The following SYT2 variants were observed in gnomAD, a reference collection of about 807,000 sequenced individuals.
SYT2 encodes synaptotagmin 2.
A neutral mutation model predicts 39.9 loss-of-function variants in SYT2; 15 were observed. That is an observed-to-expected ratio of 0.38 (90% CI 0.25 to 0.58). The LOEUF is 0.58. Among genes scored for constraint, SYT2 ranks in the 20% least tolerant of loss-of-function variants. The probability of loss-of-function intolerance (pLI) is 0.70; values close to 1 mark genes in which losing one functional copy is unlikely to be tolerated. For missense variants in SYT2, 389 were observed against 530.3 expected (o/e 0.73, Z 2.62); for synonymous variants, 181 against 204.5 (o/e 0.89, Z 0.98).
chr1:202,709,243 G>A (rs751318958), intron 1 of SYT2, among the ~76,000 whole-genome samples: 3 of 152,118 alleles, frequency 2.0e-5, no homozygotes, highest in African/African-American at 2.4e-5. Flanking sequence ...CTCCTGCTGC[G>A]GGGAGAGCAC....
At chr1:202,691,983 C>T (rs1021474557) in intron 1 of SYT2, among the ~76,000 whole-genome samples, 1 of 151,996 alleles carries the variant, frequency 6.6e-6, no homozygotes, top group African/African-American at 2.4e-5. Flanking sequence ...ATCAAAGCAC[C>T]CCCAGCCCTC....
At chr1:202,697,427 T>C (rs1654001416) in intron 1 of SYT2, among the ~76,000 whole-genome samples, 1 of 152,282 alleles carries the variant, frequency 6.6e-6, no homozygotes, top group Non-Finnish European at 1.5e-5. Context: ...GAGCCATGTG[T>C]GTGGCCTGTT....
At chr1:202,702,822 G>T (rs1654154094) in intron 1 of SYT2, among the ~76,000 whole-genome samples, 1 of 152,168 alleles carries the variant, frequency 6.6e-6, no homozygotes, top group South Asian at 2.1e-4. Context: ...TTGTTAAATG[G>T]GCTTTTCTCC....
chr1:202,698,504 A>C (rs1654031714), intron 1 of SYT2, among the ~76,000 whole-genome samples: 1 of 152,210 alleles, frequency 6.6e-6, no homozygotes, highest in South Asian at 2.1e-4. Context: ...AGAGCCACAA[A>C]AGCCACAGAA....
In SYT2 at chr1:202,593,859, C is replaced by T. The variant is rs1288664165; in HGVS notation, c.*2898G>A. The T allele has an allele frequency of 6.6e-6, 1 of 152,210 alleles. No individual in the cohort carries two copies. The highest frequency in any genetic ancestry group is 1.5e-5 in the Non-Finnish European group (1 of 68,104). 9.4% of individuals were successfully genotyped at this position (152,210 alleles called of 1,614,324 possible). A position where few individuals can be genotyped will look rare whatever the true frequency, so the allele number is the denominator to read the frequency against. The stretch of plus-strand genomic sequence containing the variant: ...TCTGGAACAGACTTTGAGATGAAAA[C>T]TCACAGCCCCAGAGGCGTCCAGAAC... On this transcript the variant is annotated 3_prime_UTR_variant, in exon 9 of 9. Transcript: ENST00000367268.
chr1:202,646,761 G>A (rs1389579424), intron 1 of SYT2, among the ~76,000 whole-genome samples: 1 of 152,178 alleles, frequency 6.6e-6, no homozygotes, highest in Non-Finnish European at 1.5e-5. Context: ...GAGGGCTGAA[G>A]GAATAAGGGA....
chr1:202,657,714 G>A (rs192442693), intron 1 of SYT2, among the ~76,000 whole-genome samples: 3 of 151,992 alleles, frequency 2.0e-5, no homozygotes, highest in Non-Finnish European at 4.4e-5. Context: ...AGTGCAGTCA[G>A]CATAGACAAC....
intron 1 of SYT2, among the ~76,000 whole-genome samples, chr1:202,694,692 C>T (rs775609515): frequency 6.6e-6 from 1 of 152,060 alleles, no homozygotes; most frequent in Non-Finnish European, 1.5e-5. Flanking sequence ...ACCACCTCCT[C>T]GTCCTTTCCC....
At chr1:202,681,219 G>C (rs1402821848) in intron 1 of SYT2, among the ~76,000 whole-genome samples, 1 of 151,968 alleles carries the variant, frequency 6.6e-6, no homozygotes, top group Non-Finnish European at 1.5e-5. Flanking sequence ...CACCCTCCTA[G>C]GAGCCGCCCC....
rs2149061805 is a variant in SYT2, at chr1:202,595,042, G to A, written c.*1715C>T. The A allele has an allele frequency of 6.6e-6, 1 of 152,438 alleles. No homozygotes were observed. The highest frequency in any genetic ancestry group is 1.9e-4 in the East Asian group (1 of 5,172). The allele number at this position is 152,438 out of a possible 1,614,324, so 9.4% of individuals were successfully genotyped here. On this transcript the variant is annotated 3_prime_UTR_variant, in exon 9 of 9. Coordinates refer to ENST00000367268, the MANE Select transcript of SYT2 (RefSeq NM_177402.5). ...ATGCTGCCATTTGTGCTGGGAAAGA[G>A]AGATACTCAGGCTTCTGGAGAAGCC...
At chr1:202,643,118 C>T (rs1019479020) in intron 1 of SYT2, among the ~76,000 whole-genome samples, 11 of 152,244 alleles carry the variant, frequency 7.2e-5, no homozygotes, top group African/African-American at 2.4e-4. Flanking sequence ...GTTTACCCCG[C>T]AGTGAGCACC....
At chr1:202,657,244 CACCCACACAAG>C (rs1692293132) in intron 1 of SYT2, among the ~76,000 whole-genome samples, 1 of 152,238 alleles carries the variant, frequency 6.6e-6, no homozygotes, top group African/African-American at 2.4e-5. Flanking sequence ...AGTCCAAGCA[CACCCACACAAG>C]AGCCACGTTC....
chr1:202,600,609 G>T, intron 6 of SYT2, 135 bp from the exon 7 acceptor site: 1 of 724,926 alleles, frequency 1.4e-6, no homozygotes, highest in Non-Finnish European at 2.4e-6. Flanking sequence ...CCATATATGT[G>T]ATGGCCGAGA....
chr1:202,597,283 T>G (rs1690333289), intron 8 of SYT2, among the ~76,000 whole-genome samples: 1 of 152,170 alleles, frequency 6.6e-6, no homozygotes, highest in Non-Finnish European at 1.5e-5. Context: ...GACATGTAAC[T>G]GAAAACTTAC....
chr1:202,627,651 T>C lies in SYT2; in HGVS notation c.-17-21862A>G, dbSNP rs556231327. On this transcript the variant is annotated intron_variant, in intron 1 of 8. Transcript: ENST00000367268. ...AGGAAGGGCATGAAGACCACTTCCC[T>C]GGTTAATGAGGGTTTGACCAGGAGT... 36 of 985,186 alleles carry C rather than the reference T, an allele frequency of 3.7e-5. No individual in the cohort carries two copies. The South Asian group carries it at 7.5e-4, about 21-fold the overall frequency. 61.0% of individuals were successfully genotyped at this position (985,186 alleles called of 1,614,324 possible).
chr1:202,630,336 G>C (rs12074979), intron 1 of SYT2: 29,119 of 982,280 alleles, frequency 0.03, 823 homozygotes, highest in African/African-American at 0.14. Context: ...TGGGGAGAGG[G>C]AACACAGACC....
chr1:202,651,436 G>A (rs559557164), intron 1 of SYT2, among the ~76,000 whole-genome samples: 1 of 152,130 alleles, frequency 6.6e-6, no homozygotes, highest in Non-Finnish European at 1.5e-5. Flanking sequence ...GAAATGTCCA[G>A]GAGGCCCCTA....
chr1:202,602,337 A>C, intron 5 of SYT2, 41 bp downstream of exon 5: 1 of 1,586,586 alleles, frequency 6.3e-7, no homozygotes, highest in African/African-American at 1.3e-5. Context: ...GAGAATTGGG[A>C]TCAGGCAGGG....
chr1:202,613,588 G>A (rs1690950270), intron 1 of SYT2, among the ~76,000 whole-genome samples: 1 of 152,060 alleles, frequency 6.6e-6, no homozygotes. Flanking sequence ...TGATCTTTGG[G>A]GGAAAATCTT....
Sources: gnomAD v4.1 joint callset for allele counts (sites outside exome capture counted in the v4.1 genomes callset) on GRCh38, gnomAD v4.1.1 for gene constraint, MANE v1.5 for transcripts, NCBI Gene and HGNC (gene_info 2026-07-23, HGNC 2026-07-21) for gene names.